Variants in RSRC1 observed in about 807,000 individuals in gnomAD.
The protein encoded by RSRC1 is arginine and serine rich coiled-coil 1.
A neutral mutation model predicts 49.1 loss-of-function variants in RSRC1; 39 were observed. The ratio of observed to expected loss-of-function variants is 0.79; its 90% CI spans 0.61 to 1.04. RSRC1 has a LOEUF of 1.04. Among genes scored for constraint, RSRC1 ranks in the 50% least tolerant of loss-of-function variants. The probability of loss-of-function intolerance (pLI) is 0.00; values close to 1 mark genes in which losing one functional copy is unlikely to be tolerated. For missense variants in RSRC1, 388 were observed against 402.4 expected, an observed-to-expected ratio of 0.96 and a Z score of 0.31; for synonymous variants, 143 against 130.8, an observed-to-expected ratio of 1.09 and a Z score of -0.63.
At chr3:158,160,629 C>G (rs966987377) in intron 3 of RSRC1, among the ~76,000 whole-genome samples, 17 of 152,244 alleles carry the variant, frequency 1.1e-4, no homozygotes, top group Admixed American at 5.9e-4. Flanking sequence ...AAAATAACTA[C>G]TCTAAAACTA....
At chr3:158,403,322 A>G (rs1733988208) in intron 6 of RSRC1, among the ~76,000 whole-genome samples, 1 of 151,810 alleles carries the variant, frequency 6.6e-6, no homozygotes, top group African/African-American at 2.4e-5. Context: ...GTGTAATAAT[A>G]GTTTGTTGAA....
At chr3:158,169,098 G>A (rs925223686) in intron 3 of RSRC1, among the ~76,000 whole-genome samples, 3 of 152,028 alleles carry the variant, frequency 2.0e-5, no homozygotes, top group Admixed American at 6.6e-5. Context: ...TAATATCAGC[G>A]TGATGCTGCC....
intron 4 of RSRC1, chr3:158,276,244 T>C: frequency 2.6e-6 from 2 of 773,026 alleles, no homozygotes; most frequent in Non-Finnish European, 4.7e-6. Flanking sequence ...CTATATATAA[T>C]GTAACCTTTC....
chr3:158,436,411 AATATAT>A (rs145741354), intron 6 of RSRC1, among the ~76,000 whole-genome samples: 2 of 151,640 alleles, frequency 1.3e-5, no homozygotes, highest in Admixed American at 6.6e-5. Context: ...AAACTTTAAA[AATATAT>A]ATATATATCT....
chr3:158,286,966 A>G (rs1253267944), intron 4 of RSRC1, among the ~76,000 whole-genome samples: 1 of 152,166 alleles, frequency 6.6e-6, no homozygotes, highest in East Asian at 1.9e-4. Context: ...ATCTGGGACT[A>G]CAGCTGCGTG....
intron 4 of RSRC1, among the ~76,000 whole-genome samples, chr3:158,268,736 T>C (rs1324078880): frequency 6.6e-6 from 1 of 152,206 alleles, no homozygotes; most frequent in Non-Finnish European, 1.5e-5. Context: ...CTGCCACTCC[T>C]TCACTATTAG....
intron 4 of RSRC1, among the ~76,000 whole-genome samples, chr3:158,281,154 T>C (rs530746415): frequency 2.6e-5 from 4 of 152,268 alleles, no homozygotes; most frequent in South Asian, 4.1e-4. Flanking sequence ...TAGGACTAAC[T>C]GATAGATTGT....
At position 158,289,117 on chromosome 3, in the gene RSRC1, A is replaced by G. The variant is rs935942916; in HGVS notation, c.495-8922A>G. ...TTGACATTTCAAGTCTGTTTCTGCT[A>G]TAATTTCTCTTATGTCTAAAAGACC... On this transcript the variant is annotated intron_variant, in intron 4 of 9. Coordinates refer to ENST00000611884, the MANE Select transcript of RSRC1 (RefSeq NM_001271838.2). Among the ~76,000 whole-genome samples, 14 of 152,158 alleles carry G rather than the reference A, an allele frequency of 9.2e-5. 1 individual carries two copies. Among genetic ancestry groups the G allele is most frequent in the African/African-American group, 3.1e-4 (13 of 41,444 alleles).
At chr3:158,480,541 TG>T (rs1738567230) in intron 7 of RSRC1, among the ~76,000 whole-genome samples, 1 of 152,098 alleles carries the variant, frequency 6.6e-6, no homozygotes, top group South Asian at 2.1e-4. Flanking sequence ...GTCTCTTAGA[TG>T]GAAATTAGGT....
chr3:158,194,389 T>C (rs1475033160), intron 3 of RSRC1, among the ~76,000 whole-genome samples: 3 of 151,864 alleles, frequency 2.0e-5, no homozygotes, highest in African/African-American at 7.3e-5. Flanking sequence ...AAATATACAC[T>C]GAATAATTAT....
intron 4 of RSRC1, among the ~76,000 whole-genome samples, chr3:158,255,306 A>G (rs976133672): frequency 1.3e-5 from 2 of 152,150 alleles, no homozygotes; most frequent in East Asian, 1.9e-4. Context: ...TCCCAGCACC[A>G]TTTATTAAAT....
chr3:158,404,262 C>G (rs1297836181), intron 6 of RSRC1, among the ~76,000 whole-genome samples: 1 of 151,812 alleles, frequency 6.6e-6, no homozygotes, highest in Non-Finnish European at 1.5e-5. Context: ...CACACTGATC[C>G]TAACTTAGAG....
chr3:158,533,434 A>C (rs1712526388), intron 7 of RSRC1, among the ~76,000 whole-genome samples: 1 of 151,624 alleles, frequency 6.6e-6, no homozygotes, highest in South Asian at 2.1e-4. Context: ...TAATTTTTCC[A>C]ATGCTATTTT....
At chr3:158,270,698 T>G (rs1725468624) in intron 4 of RSRC1, among the ~76,000 whole-genome samples, 1 of 152,182 alleles carries the variant, frequency 6.6e-6, no homozygotes. Context: ...ATTTATGTTT[T>G]AAGTTTCCTG....
chr3:158,196,605 T>C (rs977887139), intron 3 of RSRC1, among the ~76,000 whole-genome samples: 5 of 152,204 alleles, frequency 3.3e-5, no homozygotes, highest in African/African-American at 1.2e-4. Context: ...GCTTCCAGTT[T>C]TTGCCCATTC....
chr3:158,471,647 A>G (rs181017944), intron 7 of RSRC1, among the ~76,000 whole-genome samples: 1 of 152,174 alleles, frequency 6.6e-6, no homozygotes, highest in African/African-American at 2.4e-5. Context: ...GATGCCTACC[A>G]TGTATTTCTG....
intron 3 of RSRC1, among the ~76,000 whole-genome samples, chr3:158,148,578 C>T (rs914574468): frequency 8.6e-5 from 13 of 151,918 alleles, no homozygotes; most frequent in African/African-American, 3.1e-4. Context: ...ACTACTTTGC[C>T]AAGTTTTGAA....
chr3:158,401,292 A>G (rs1733883801), intron 6 of RSRC1, among the ~76,000 whole-genome samples: 1 of 152,046 alleles, frequency 6.6e-6, no homozygotes, highest in Non-Finnish European at 1.5e-5. Flanking sequence ...GAAGGAGAAT[A>G]TCATCAGAAG....
chr3:158,148,315 C>T (rs1330587425), intron 3 of RSRC1, among the ~76,000 whole-genome samples: 1 of 151,810 alleles, frequency 6.6e-6, no homozygotes, highest in Non-Finnish European at 1.5e-5. Context: ...TCATTCTCCT[C>T]ATAAAATGTG....
Sources: gnomAD v4.1 joint callset for allele counts (sites outside exome capture counted in the v4.1 genomes callset) on GRCh38, gnomAD v4.1.1 for gene constraint, MANE v1.5 for transcripts, NCBI Gene and HGNC (gene_info 2026-07-23, HGNC 2026-07-21) for gene names.